Variants in THSD4 observed in about 807,000 individuals in gnomAD.
THSD4 encodes the protein thrombospondin type 1 domain containing 4.
Under a neutral mutation model 119.0 loss-of-function variants are expected in THSD4, and 69 were observed. That is an observed-to-expected ratio of 0.58 (90% CI 0.48 to 0.71). The LOEUF is 0.71. Among genes scored for constraint, THSD4 ranks in the 30% least tolerant of loss-of-function variants. The pLI, the probability that THSD4 is intolerant of heterozygous loss-of-function variation, is 0.00. For missense variants in THSD4, 1,393 were observed against 1,391.1 expected, an observed-to-expected ratio of 1.00 and a Z score of -0.02; for synonymous variants, 524 against 540.4, an observed-to-expected ratio of 0.97 and a Z score of 0.42.
intron 7 of THSD4, among the ~76,000 whole-genome samples, chr15:71,453,974 C>T (rs531611657): frequency 6.6e-6 from 1 of 152,224 alleles, no homozygotes; most frequent in African/African-American, 2.4e-5. Flanking sequence ...ACCACTCTTT[C>T]AGCTGGGCAC....
At chr15:71,365,777 A>G (rs2045954117) in intron 6 of THSD4, among the ~76,000 whole-genome samples, 1 of 152,136 alleles carries the variant, frequency 6.6e-6, no homozygotes, top group Non-Finnish European at 1.5e-5. Flanking sequence ...ATTTAGTAGG[A>G]GAAGTTATTT....
At chr15:71,593,065 G>A (rs1267338301) in intron 7 of THSD4, among the ~76,000 whole-genome samples, 1 of 152,028 alleles carries the variant, frequency 6.6e-6, no homozygotes, top group Non-Finnish European at 1.5e-5. Flanking sequence ...GTGGAGAAGT[G>A]AGCAGAGGAA....
At chr15:71,726,070 G>A (rs114870789) in intron 8 of THSD4, among the ~76,000 whole-genome samples, 2,028 of 152,312 alleles carry the variant, frequency 0.013, 48 homozygotes, top group African/African-American at 0.044. Context: ...ATGAGCCACC[G>A]TGCCCAGCCG....
In THSD4 at chr15:71,098,212, T is replaced by C. The variant is rs1179312919; in HGVS notation, c.-80+1206T>C. On this transcript the variant is annotated intron_variant, in intron 1 of 17. Transcript: ENST00000355327. The stretch of plus-strand genomic sequence containing the variant: ...CACTTTTTTTTTTTTTTTTTTTTTT[T>C]TGGGGGGAGAGAAGGTCCCGCTCTG... Among the ~76,000 whole-genome samples, 30 of 136,912 alleles carry C rather than the reference T, an allele frequency of 2.2e-4. No homozygotes were observed. The East Asian group carries it at 6.1e-3, about 28-fold the overall frequency. 89.8% of individuals were successfully genotyped at this position (136,912 alleles called of 152,430 possible).
At chr15:71,428,320 G>C (rs1029139120) in intron 7 of THSD4, among the ~76,000 whole-genome samples, 1 of 152,180 alleles carries the variant, frequency 6.6e-6, no homozygotes, top group Non-Finnish European at 1.5e-5. Context: ...TGCTGTCTCT[G>C]TTCAGACTAA....
chr15:71,545,548 G>A (rs1211540123), intron 7 of THSD4, among the ~76,000 whole-genome samples: 1 of 152,172 alleles, frequency 6.6e-6, no homozygotes, highest in African/African-American at 2.4e-5. Flanking sequence ...GCCTTTTACA[G>A]AAAGTTTCCC....
rs1416637795 is a variant in THSD4 at position 71,447,113 on chromosome 15, TTTTTG to T, written c.1152+35295_1152+35299del. 1.9e-4 allele frequency among the ~76,000 whole-genome samples: 10 copies of T among 52,144 alleles called. 2 individuals are homozygous for T. The highest frequency in any genetic ancestry group is 3.2e-4 in the Non-Finnish European group (7 of 21,726). 34.2% of individuals were successfully genotyped at this position (52,144 alleles called of 152,430 possible). On this transcript the variant is annotated intron_variant, in intron 7 of 17. Coordinates refer to ENST00000261862, the MANE Select transcript of THSD4 (RefSeq NM_024817.3). ...CTCTGTTGCCCTCTTCCCTCCATTT[TTTTTG>T]TTTTTTTTTTTTTTTTTTTTGGAGA...
chr15:71,173,329 T>A (rs1260652362), intron 3 of THSD4, among the ~76,000 whole-genome samples: 1 of 152,016 alleles, frequency 6.6e-6, no homozygotes, highest in Non-Finnish European at 1.5e-5. Flanking sequence ...GGTGAAAACT[T>A]GTATAATGAA....
intron 1 of THSD4, among the ~76,000 whole-genome samples, chr15:71,120,053 T>C (rs1179222672): frequency 6.6e-6 from 1 of 152,196 alleles, no homozygotes; most frequent in African/African-American, 2.4e-5. Flanking sequence ...TGGAGCTCAA[T>C]GTATTGCTGT....
At chr15:71,266,842 A>G (rs1820448741) in intron 6 of THSD4, among the ~76,000 whole-genome samples, 1 of 151,998 alleles carries the variant, frequency 6.6e-6, no homozygotes, top group African/African-American at 2.4e-5. Flanking sequence ...TGAATTGATC[A>G]AGCAGAAGAA....
intron 7 of THSD4, among the ~76,000 whole-genome samples, chr15:71,629,359 C>T (rs529722600): frequency 1.3e-5 from 2 of 152,274 alleles, no homozygotes; most frequent in South Asian, 2.1e-4. Flanking sequence ...GTAGAGGAGA[C>T]CCAAACCCTT....
intron 7 of THSD4, among the ~76,000 whole-genome samples, chr15:71,645,585 A>G (rs1367726540): frequency 6.6e-6 from 1 of 152,172 alleles, no homozygotes; most frequent in Non-Finnish European, 1.5e-5. Flanking sequence ...CCTTTCTGAT[A>G]ATCGAAGAAC....
intron 6 of THSD4, among the ~76,000 whole-genome samples, chr15:71,401,880 A>G (rs2046537761): frequency 6.6e-6 from 1 of 152,264 alleles, no homozygotes; most frequent in African/African-American, 2.4e-5. Flanking sequence ...AGACTGGATT[A>G]AGAAAATATG....
chr15:71,235,510 C>T (rs539720335), intron 4 of THSD4, among the ~76,000 whole-genome samples: 13 of 152,016 alleles, frequency 8.6e-5, no homozygotes, highest in African/African-American at 2.9e-4. Flanking sequence ...CTCATCTTCC[C>T]TATGGAAGAA....
At chr15:71,623,791 C>T (rs936518174) in intron 7 of THSD4, among the ~76,000 whole-genome samples, 12 of 151,974 alleles carry the variant, frequency 7.9e-5, no homozygotes, top group Middle Eastern at 3.4e-3. Context: ...GGCATGGTGG[C>T]GGGCACCTGT....
chr15:71,275,511 T>C (rs2044579266), intron 6 of THSD4, among the ~76,000 whole-genome samples: 1 of 152,220 alleles, frequency 6.6e-6, no homozygotes, highest in African/African-American at 2.4e-5. Flanking sequence ...TTTTCAGAGT[T>C]AGATTTACAA....
chr15:71,284,283 G>A (rs2044689018), intron 6 of THSD4, among the ~76,000 whole-genome samples: 1 of 152,170 alleles, frequency 6.6e-6, no homozygotes, highest in Non-Finnish European at 1.5e-5. Flanking sequence ...TAAAAATTGG[G>A]TTGATAAAAA....
chr15:71,532,678 T>G (rs1254689028), intron 7 of THSD4, among the ~76,000 whole-genome samples: 4 of 152,168 alleles, frequency 2.6e-5, no homozygotes, highest in African/African-American at 9.7e-5. Flanking sequence ...TTCACCAGAG[T>G]GTTTGGTGCT....
At chr15:71,643,262 A>C (rs1183808060) in intron 7 of THSD4, among the ~76,000 whole-genome samples, 1 of 152,156 alleles carries the variant, frequency 6.6e-6, no homozygotes, top group Non-Finnish European at 1.5e-5. Flanking sequence ...ACATAAAACA[A>C]ATTTTTTAAA....
Sources: allele counts gnomAD v4.1 joint callset (sites outside exome capture counted in the v4.1 genomes callset), GRCh38; gene constraint gnomAD v4.1.1; transcripts MANE v1.5; gene names NCBI Gene and HGNC (gene_info 2026-07-23, HGNC 2026-07-21).